The following ADAMTS12 variants were observed in gnomAD, a reference collection of about 807,000 sequenced individuals.
ADAMTS12 encodes the protein ADAM metallopeptidase with thrombospondin type 1 motif 12.
A neutral mutation model predicts 167.8 loss-of-function variants in ADAMTS12; 118 were observed. That is an observed-to-expected ratio of 0.70 (90% CI 0.61 to 0.82). The LOEUF (loss-of-function observed/expected upper bound fraction) is 0.82, where lower values mean the gene tolerates loss of function less well. Ranked by LOEUF, ADAMTS12 falls within the 40% of genes least tolerant of loss-of-function variation. ADAMTS12 has a pLI of 0.00. For synonymous variants in ADAMTS12, 704 were observed against 716.9 expected (o/e 0.98, Z 0.29); for missense variants, 1,916 against 1,998.8 (o/e 0.96, Z 0.79).
chr5:33,688,649 T>C (rs1742438883), intron 3 of ADAMTS12, among the ~76,000 whole-genome samples: 1 of 152,094 alleles, frequency 6.6e-6, no homozygotes, highest in Admixed American at 6.5e-5. Flanking sequence ...GGAGTAGTGC[T>C]AGGGAGCAAA....
chr5:33,885,127 A>G (rs945752897), intron 1 of ADAMTS12, among the ~76,000 whole-genome samples: 1 of 152,250 alleles, frequency 6.6e-6, no homozygotes, highest in Non-Finnish European at 1.5e-5. Flanking sequence ...TTCTAAATCA[A>G]TCTTACATTA....
chr5:33,887,368 A>G (rs2111801365), intron 1 of ADAMTS12, among the ~76,000 whole-genome samples: 1 of 152,274 alleles, frequency 6.6e-6, no homozygotes, highest in African/African-American at 2.4e-5. Flanking sequence ...CGGATCCCAG[A>G]GCACACACTC....
intron 2 of ADAMTS12, among the ~76,000 whole-genome samples, chr5:33,787,165 G>C (rs190784537): frequency 7.2e-4 from 109 of 152,076 alleles, no homozygotes; most frequent in African/African-American, 2.6e-3. Flanking sequence ...CTTGGAAGAA[G>C]GTAGGAAATA....
At chr5:33,583,918 A>G (rs1747204295) in intron 18 of ADAMTS12, among the ~76,000 whole-genome samples, 1 of 152,206 alleles carries the variant, frequency 6.6e-6, no homozygotes, top group South Asian at 2.1e-4. Context: ...TGTCATGCAT[A>G]GTCTGAAATT....
chr5:33,889,370 A>G (rs1750761311), intron 1 of ADAMTS12, among the ~76,000 whole-genome samples: 2 of 152,210 alleles, frequency 1.3e-5, no homozygotes, highest in African/African-American at 4.8e-5. Flanking sequence ...CAGGATTTGA[A>G]TGCATTCAAA....
intron 1 of ADAMTS12, among the ~76,000 whole-genome samples, chr5:33,888,336 CAT>C (rs1194176038): frequency 2.0e-5 from 3 of 152,110 alleles, no homozygotes; most frequent in African/African-American, 4.8e-5. Flanking sequence ...GAAATTTACA[CAT>C]GTTGGAATGT....
intron 7 of ADAMTS12, 145 bp downstream of exon 7, chr5:33,658,039 G>A (rs1424931938): frequency 6.9e-6 from 7 of 1,017,756 alleles, no homozygotes; most frequent in Non-Finnish European, 1.0e-5. Context: ...ACAGATGAAA[G>A]CAGAGGTTGA....
intron 14 of ADAMTS12, 35 bp from the exon 15 acceptor site, chr5:33,616,107 G>A (rs201888563): frequency 3.4e-5 from 55 of 1,607,838 alleles, no homozygotes; most frequent in Admixed American, 1.0e-4. Flanking sequence ...AAAGAGGCAC[G>A]CCAGCTTCTC....
chr5:33,738,653 A>G (rs917569658), intron 3 of ADAMTS12, among the ~76,000 whole-genome samples: 2 of 152,186 alleles, frequency 1.3e-5, no homozygotes, highest in South Asian at 4.1e-4. Context: ...TCTGCACATC[A>G]ACATCAGTGC....
At chr5:33,835,490 G>T (rs1168740529) in intron 2 of ADAMTS12, among the ~76,000 whole-genome samples, 1 of 152,212 alleles carries the variant, frequency 6.6e-6, no homozygotes, top group Admixed American at 6.5e-5. Flanking sequence ...CAGTTCTGGA[G>T]GCTGGCAAGT....
intron 2 of ADAMTS12, among the ~76,000 whole-genome samples, chr5:33,819,538 T>C (rs1747793236): frequency 6.6e-6 from 1 of 152,174 alleles, no homozygotes; most frequent in Non-Finnish European, 1.5e-5. Context: ...TCGGTTTTGC[T>C]TTAGCTATTT....
intron 3 of ADAMTS12, among the ~76,000 whole-genome samples, chr5:33,745,931 C>A (rs909871133): frequency 2.7e-4 from 41 of 152,174 alleles, no homozygotes; most frequent in African/African-American, 9.9e-4. Flanking sequence ...TCTTTTCATC[C>A]CTCTCGTTAG....
chr5:33,581,351 C>T (rs1359140008), intron 18 of ADAMTS12, among the ~76,000 whole-genome samples: 2 of 152,056 alleles, frequency 1.3e-5, no homozygotes, highest in Non-Finnish European at 2.9e-5. Context: ...AGTCATTTTG[C>T]CCTCACTTAT....
At chr5:33,702,001 C>T (rs1453787808) in intron 3 of ADAMTS12, among the ~76,000 whole-genome samples, 1 of 152,168 alleles carries the variant, frequency 6.6e-6, no homozygotes, top group East Asian at 1.9e-4. Flanking sequence ...CCTTAAGGGA[C>T]TCTGGTGGTG....
At chr5:33,881,614 T>C in intron 1 of ADAMTS12, 134 bp from the exon 2 acceptor site, 1 of 1,297,040 alleles carries the variant, frequency 7.7e-7, no homozygotes, top group Non-Finnish European at 1.0e-6. Flanking sequence ...CAGGCTGGAG[T>C]GCAATGGCAC....
chr5:33,884,023 G>A (rs564867758), intron 1 of ADAMTS12, among the ~76,000 whole-genome samples: 2 of 152,174 alleles, frequency 1.3e-5, no homozygotes, highest in Middle Eastern at 3.2e-3. Flanking sequence ...CTCGAACAGT[G>A]AAGGGAGTTG....
At chr5:33,839,813 G>A (rs554015092) in intron 2 of ADAMTS12, among the ~76,000 whole-genome samples, 128 of 152,258 alleles carry the variant, frequency 8.4e-4, no homozygotes, top group Non-Finnish European at 1.4e-3. Flanking sequence ...GCATTTGTCC[G>A]TGCTATCATT....
At chr5:33,716,942 ACAG>A (rs1743637455) in intron 3 of ADAMTS12, among the ~76,000 whole-genome samples, 1 of 152,130 alleles carries the variant, frequency 6.6e-6, no homozygotes, top group African/African-American at 2.4e-5. Flanking sequence ...TACTCAGAGG[ACAG>A]CAGGAGGGGC....
At chr5:33,849,753 A>G (rs559865511) in intron 2 of ADAMTS12, among the ~76,000 whole-genome samples, 4 of 149,806 alleles carry the variant, frequency 2.7e-5, no homozygotes, top group African/African-American at 9.8e-5. Flanking sequence ...AGCAATATAT[A>G]GTATCTATAT....
Sources: gnomAD v4.1 joint callset for allele counts (sites outside exome capture counted in the v4.1 genomes callset) on GRCh38, gnomAD v4.1.1 for gene constraint, MANE v1.5 for transcripts, NCBI Gene and HGNC (gene_info 2026-07-23, HGNC 2026-07-21) for gene names.